Variants in BICC1 observed in about 807,000 individuals in gnomAD.
BICC1 encodes the protein protein bicaudal C homolog 1.
A neutral mutation model predicts 111.0 loss-of-function variants in BICC1; 43 were observed. The observed-to-expected ratio is 0.39, with a 90% CI of 0.30 to 0.50. BICC1 has a LOEUF of 0.50. BICC1 is among the 20% of genes least tolerant of loss of function. The pLI, the probability that BICC1 is intolerant of heterozygous loss-of-function variation, is 0.88. For missense variants in BICC1, 1,091 were observed against 1,203.2 expected, an observed-to-expected ratio of 0.91 and a Z score of 1.38; for synonymous variants, 467 against 434.4, an observed-to-expected ratio of 1.07 and a Z score of -0.93.
At chr10:58,514,761 T>C (rs1842197089) in intron 1 of BICC1, among the ~76,000 whole-genome samples, 1 of 152,234 alleles carries the variant, frequency 6.6e-6, no homozygotes, top group African/African-American at 2.4e-5. Flanking sequence ...ATAAGATAGA[T>C]TTGGAAATTA....
chr10:58,722,311 G>A (rs1302877108), intron 3 of BICC1, among the ~76,000 whole-genome samples: 1 of 152,072 alleles, frequency 6.6e-6, no homozygotes, highest in African/African-American at 2.4e-5. Flanking sequence ...TTAGCCCTGT[G>A]ATCTATTTTG....
intron 3 of BICC1, among the ~76,000 whole-genome samples, chr10:58,769,396 G>GTATATATATATATA (rs1271499930): frequency 4.8e-5 from 5 of 105,118 alleles, no homozygotes; most frequent in Non-Finnish European, 6.5e-5. Context: ...GTGTGTGTGT[G>GTATATATATATATA]TGTGTGTGTA....
At position 58,570,650 on chromosome 10, in the gene BICC1, G is replaced by A. The variant is rs74506062; in HGVS notation, c.191-50205G>A. ...TGTTTATCTTTCCCTTAACTTTCTA[G>A]TCATAATATATTTGAGTCAGCAGAG... On this transcript the variant is annotated intron_variant, in intron 1 of 20. Coordinates refer to ENST00000373886, the MANE Select transcript of BICC1 (RefSeq NM_001080512.3). Among the ~76,000 whole-genome samples, 73 of 152,230 alleles carry A rather than the reference G, an allele frequency of 4.8e-4. 1 individual carries two copies. The highest frequency in any genetic ancestry group is 3.5e-3 in the East Asian group (18 of 5,190).
At chr10:58,818,428 T>C (rs1844162452) in intron 19 of BICC1, among the ~76,000 whole-genome samples, 1 of 152,198 alleles carries the variant, frequency 6.6e-6, no homozygotes, top group African/African-American at 2.4e-5. Context: ...TCTATACATT[T>C]GTGTCTTTTT....
intron 3 of BICC1, among the ~76,000 whole-genome samples, chr10:58,711,746 T>C (rs1840580627): frequency 6.6e-6 from 1 of 152,130 alleles, no homozygotes; most frequent in Non-Finnish European, 1.5e-5. Context: ...GAAAATGGTC[T>C]CAGCTTTTCA....
At chr10:58,705,779 T>G (rs1486267770) in intron 3 of BICC1, among the ~76,000 whole-genome samples, 1 of 152,232 alleles carries the variant, frequency 6.6e-6, no homozygotes, top group East Asian at 1.9e-4. Context: ...GAGATTGGGC[T>G]TTTAGTGTTA....
chr10:58,556,070 G>T (rs536115236), intron 1 of BICC1, among the ~76,000 whole-genome samples: 2 of 151,994 alleles, frequency 1.3e-5, no homozygotes, highest in Non-Finnish European at 2.9e-5. Flanking sequence ...TCTAGTTTTC[G>T]AGTGTTGGGG....
intron 2 of BICC1, among the ~76,000 whole-genome samples, chr10:58,665,926 A>T (rs776160784): frequency 2.6e-5 from 4 of 152,160 alleles, no homozygotes; most frequent in Non-Finnish European, 5.9e-5. Flanking sequence ...CTGTTTAAAC[A>T]TGTATAGTCG....
At chr10:58,626,785 G>A (rs547809540) in intron 2 of BICC1, among the ~76,000 whole-genome samples, 1 of 152,290 alleles carries the variant, frequency 6.6e-6, no homozygotes, top group South Asian at 2.1e-4. Context: ...ATGGAAGCAA[G>A]GAATGTCATT....
At chr10:58,800,057 A>G (rs1295189772) in intron 12 of BICC1, 137 bp from the exon 13 acceptor site, 1 of 618,494 alleles carries the variant, frequency 1.6e-6, no homozygotes, top group Non-Finnish European at 2.8e-6. Context: ...CCTTGTAGAT[A>G]TATTTCATCT....
At chr10:58,671,288 T>A (rs187731629) in intron 2 of BICC1, among the ~76,000 whole-genome samples, 1 of 152,290 alleles carries the variant, frequency 6.6e-6, no homozygotes, top group Admixed American at 6.5e-5. Flanking sequence ...TGTAGCAAGG[T>A]AGTCCAGGTC....
chr10:58,777,716 A>G (rs1842784601), intron 3 of BICC1, among the ~76,000 whole-genome samples: 4 of 152,120 alleles, frequency 2.6e-5, no homozygotes. Context: ...TTCTCTGTTA[A>G]ATATTAAGTT....
At chr10:58,625,791 G>T (rs905422644) in intron 2 of BICC1, among the ~76,000 whole-genome samples, 4 of 152,194 alleles carry the variant, frequency 2.6e-5, no homozygotes, top group African/African-American at 9.7e-5. Context: ...AAAAATGGGT[G>T]CATTAGATGG....
intron 1 of BICC1, among the ~76,000 whole-genome samples, chr10:58,517,333 T>A (rs1197819665): frequency 6.6e-6 from 1 of 152,206 alleles, no homozygotes; most frequent in East Asian, 1.9e-4. Flanking sequence ...ACTGCTCGGT[T>A]GAGTAGCAGA....
rs1193299376 is a variant in BICC1, at chr10:58,830,066, G to T, written c.*1175G>T. The T allele has an allele frequency of 6.6e-6, 1 of 151,960 alleles. No individual in the cohort carries two copies. Among genetic ancestry groups the T allele is most frequent in the African/African-American group, 2.4e-5 (1 of 41,388 alleles). The allele number at this position is 151,960 out of a possible 1,614,324, so 9.4% of individuals were successfully genotyped here. A position where few individuals can be genotyped will look rare whatever the true frequency, so the allele number is the denominator to read the frequency against. On this transcript the variant is annotated 3_prime_UTR_variant, in exon 21 of 21. Coordinates refer to ENST00000373886, the MANE Select transcript of BICC1 (RefSeq NM_001080512.3). ...TTCCTGAAACCGTATCTGTCTGCTT[G>T]AAGTAGACTTATGTTTGTTGAGAAT...
chr10:58,694,602 C>T (rs1840014740), intron 2 of BICC1, among the ~76,000 whole-genome samples: 1 of 152,140 alleles, frequency 6.6e-6, no homozygotes, highest in African/African-American at 2.4e-5. Context: ...GTGGATTTGT[C>T]CTGTCCTCTG....
chr10:58,787,221 T>C (rs1843035840), intron 5 of BICC1, 140 bp downstream of exon 5: 3 of 707,234 alleles, frequency 4.2e-6, no homozygotes, highest in Middle Eastern at 2.7e-4. Context: ...TGTACAACTT[T>C]CTGCAAGGAA....
chr10:58,813,184 TA>T (rs1843966471), intron 17 of BICC1, among the ~76,000 whole-genome samples: 1 of 152,176 alleles, frequency 6.6e-6, no homozygotes, highest in African/African-American at 2.4e-5. Context: ...TAGGTAATAG[TA>T]GGGTGTCTAT....
At position 58,813,939 on chromosome 10, in the gene BICC1, A is replaced by C. The variant is rs377563946; in HGVS notation, c.2486A>C (p.Glu829Ala). The C allele has an allele frequency of 2.5e-6, 4 of 1,613,946 alleles. No individual in the cohort carries two copies. The highest frequency in any genetic ancestry group is 3.4e-6 in the Non-Finnish European group (4 of 1,179,948). ...GGAATTGGACCTGGAAGTCATAGTG[A>C]ATTTGCAGCTTCTATTGGCAGCCCT... is the stretch of plus-strand genomic sequence containing the variant. ...RNGIGPGSHS[E>A]FAASIGSPKR... Residue 829 changes from glutamate to alanine, a missense_variant, in exon 18 of 21, where the codon GAA (glutamate) becomes GCA (alanine). Physicochemically the swap from Glu to Ala is moderately radical, Grantham distance 107. This residue lies in a region of BICC1 where 231 missense variants were observed against 256.2 expected (regional missense o/e 0.90). Transcript: ENST00000373886.
Sources: allele counts gnomAD v4.1 joint callset (sites outside exome capture counted in the v4.1 genomes callset), GRCh38; gene constraint gnomAD v4.1.1; regional missense constraint gnomAD v4.1.1; transcripts MANE v1.5; gene names NCBI Gene and HGNC (gene_info 2026-07-23, HGNC 2026-07-21).